Variants in MDGA2 observed in about 807,000 individuals in gnomAD.
MDGA2 encodes the protein MAM domain containing glycosylphosphatidylinositol anchor 2.
In MDGA2, 40 loss-of-function variants were observed where a neutral mutation model predicts 117.8. The ratio of observed to expected loss-of-function variants is 0.34; its 90% CI spans 0.26 to 0.44. MDGA2 has a LOEUF of 0.44. Among genes scored for constraint, MDGA2 ranks in the 20% least tolerant of loss-of-function variants. The pLI, the probability that MDGA2 is intolerant of heterozygous loss-of-function variation, is 1.00. For synonymous variants in MDGA2, 452 were observed against 439.0 expected (o/e 1.03, Z -0.37); for missense variants, 1,123 against 1,250.6 (o/e 0.90, Z 1.54).
At chr14:47,051,783 G>C (rs1889466936) in intron 7 of MDGA2, among the ~76,000 whole-genome samples, 1 of 151,840 alleles carries the variant, frequency 6.6e-6, no homozygotes, top group Non-Finnish European at 1.5e-5. Flanking sequence ...TTAGCCTGTG[G>C]ATCCAATCAT....
chr14:47,101,075 CGATA>C (rs57541385), intron 5 of MDGA2, among the ~76,000 whole-genome samples: 11,806 of 140,052 alleles, frequency 0.084, 591 homozygotes, highest in East Asian at 0.14. Context: ...AATGGAGGGA[CGATA>C]GATAGATAGA....
intron 1 of MDGA2, among the ~76,000 whole-genome samples, chr14:47,573,175 CT>C (rs1896052629): frequency 1.3e-5 from 2 of 152,198 alleles, no homozygotes; most frequent in African/African-American, 2.4e-5. Context: ...TTTTACACCC[CT>C]GGAAACATTA....
At chr14:47,661,492 A>G (rs921303602) in intron 1 of MDGA2, among the ~76,000 whole-genome samples, 1 of 152,188 alleles carries the variant, frequency 6.6e-6, no homozygotes, top group African/African-American at 2.4e-5. Context: ...TTGTTTGTGC[A>G]TGTATTTTAG....
rs764945013 is a variant in MDGA2, at chr14:47,195,986, G to C, written c.595+22035C>G. On this transcript the variant is annotated intron_variant, in intron 3 of 16. Transcript: ENST00000399232. The stretch of plus-strand genomic sequence containing the variant: ...TATCCTATTTTGGCACTTAGTCCAG[G>C]CATTTAGTCATATATACATATATAT... Among the ~76,000 whole-genome samples, 3 of 151,862 alleles carry C rather than the reference G, an allele frequency of 2.0e-5. No individual in the cohort carries two copies. In the South Asian group the frequency reaches 6.2e-4, roughly 31 times the overall value.
chr14:47,170,521 G>C (rs1459346285), intron 3 of MDGA2, among the ~76,000 whole-genome samples: 1 of 152,096 alleles, frequency 6.6e-6, no homozygotes, highest in Non-Finnish European at 1.5e-5. Context: ...GAGATGTTGA[G>C]TGACTTAAGA....
At chr14:46,922,971 G>A (rs1296902237) in intron 9 of MDGA2, among the ~76,000 whole-genome samples, 1 of 152,176 alleles carries the variant, frequency 6.6e-6, no homozygotes, top group African/African-American at 2.4e-5. Flanking sequence ...TGACTACCAC[G>A]AGGATAACTG....
rs71112472 is a variant in MDGA2, at chr14:46,938,540, CAAAAAAAA to C, written c.2090-18388_2090-18381del. Among the ~76,000 whole-genome samples, 15 of 27,002 alleles carry C rather than the reference CAAAAAAAA, an allele frequency of 5.6e-4. 1 individual carries two copies. The East Asian group carries it at 0.012, about 21-fold the overall frequency. The allele number at this position is 27,002 out of a possible 152,430, so 17.7% of individuals were successfully genotyped here. On this transcript the variant is annotated intron_variant, in intron 9 of 16. Transcript: ENST00000399232. ...GGGCAACAAGAACGAAAATCCATCT[CAAAAAAAA>C]AAAAAAAAAAAAGAGACATCATCTG...
intron 5 of MDGA2, among the ~76,000 whole-genome samples, chr14:47,128,339 A>G (rs1221768850): frequency 6.6e-6 from 1 of 152,154 alleles, no homozygotes; most frequent in Non-Finnish European, 1.5e-5. Flanking sequence ...GCACTGCTAA[A>G]GTGCAAAGTG....
intron 7 of MDGA2, among the ~76,000 whole-genome samples, chr14:47,037,225 C>T (rs879297316): frequency 6.6e-6 from 1 of 152,100 alleles, no homozygotes; most frequent in Non-Finnish European, 1.5e-5. Flanking sequence ...ATTTATTATC[C>T]CCCTACTATG....
chr14:47,415,645 A>G (rs1244051553), intron 1 of MDGA2, among the ~76,000 whole-genome samples: 1 of 152,202 alleles, frequency 6.6e-6, no homozygotes, highest in East Asian at 1.9e-4. Context: ...GAATTTTTGT[A>G]TAAACCTTAA....
chr14:46,883,217 A>C (rs1339564235), intron 10 of MDGA2, among the ~76,000 whole-genome samples: 1 of 152,094 alleles, frequency 6.6e-6, no homozygotes. Flanking sequence ...TTGTTTCCAA[A>C]TTCATCATAC....
At chr14:47,578,788 T>C (rs911499264) in intron 1 of MDGA2, among the ~76,000 whole-genome samples, 7 of 152,144 alleles carry the variant, frequency 4.6e-5, no homozygotes, top group Non-Finnish European at 7.4e-5. Flanking sequence ...ATAACTATCA[T>C]TGTTAGAGGC....
intron 1 of MDGA2, among the ~76,000 whole-genome samples, chr14:47,432,420 G>T (rs370589174): frequency 2.0e-5 from 3 of 151,944 alleles, no homozygotes; most frequent in Non-Finnish European, 4.4e-5. Context: ...ATAACAATCT[G>T]TATATTAAAG....
chr14:46,990,605 T>G (rs1158328238), intron 8 of MDGA2, among the ~76,000 whole-genome samples: 1 of 152,086 alleles, frequency 6.6e-6, no homozygotes, highest in East Asian at 1.9e-4. Flanking sequence ...GTTCTGCTAA[T>G]GTCTAGTTAC....
intron 2 of MDGA2, among the ~76,000 whole-genome samples, chr14:47,231,534 C>G (rs1886689355): frequency 6.6e-6 from 1 of 152,042 alleles, no homozygotes; most frequent in Non-Finnish European, 1.5e-5. Context: ...GCTGCTGTAA[C>G]TCTTGGTAAA....
rs560406336 is a variant in MDGA2, at chr14:47,134,312, G to A, written c.793-2466C>T. Among the ~76,000 whole-genome samples, 15 of 151,850 alleles carry A rather than the reference G, an allele frequency of 9.9e-5. No individual in the cohort carries two copies. In the East Asian group the frequency reaches 2.5e-3, roughly 25 times the overall value. ...GTTAATAGTACTGTAACTACCCAAG[G>A]TTTGCTTTATATATATTTATTTCTC... On this transcript the variant is annotated intron_variant, in intron 4 of 16. Transcript: ENST00000399232.
intron 10 of MDGA2, 123 bp downstream of exon 10, chr14:46,919,889 T>C (rs1001843367): frequency 7.6e-6 from 6 of 794,238 alleles, no homozygotes; most frequent in Non-Finnish European, 1.1e-5. Context: ...TGTCTATCTA[T>C]ATACAGAAAC....
intron 8 of MDGA2, among the ~76,000 whole-genome samples, chr14:46,991,198 G>A (rs993123072): frequency 6.6e-6 from 1 of 152,008 alleles, no homozygotes; most frequent in African/African-American, 2.4e-5. Flanking sequence ...AGTTTGACAG[G>A]AGCATCAAGA....
At chr14:47,515,211 G>A (rs1894725785) in intron 1 of MDGA2, among the ~76,000 whole-genome samples, 1 of 152,172 alleles carries the variant, frequency 6.6e-6, no homozygotes, top group Non-Finnish European at 1.5e-5. Context: ...ACGCCTGGAT[G>A]AGGGGCTGGC....
Sources: gnomAD v4.1 joint callset for allele counts (sites outside exome capture counted in the v4.1 genomes callset) on GRCh38, gnomAD v4.1.1 for gene constraint, MANE v1.5 for transcripts, NCBI Gene and HGNC (gene_info 2026-07-23, HGNC 2026-07-21) for gene names.